Variants in ARHGAP25 observed in about 807,000 individuals in gnomAD.
ARHGAP25 encodes the protein rho GTPase-activating protein 25.
ARHGAP25 carries 34 observed loss-of-function variants against 71.0 expected under a neutral mutation model. That is an observed-to-expected ratio of 0.48 (90% CI 0.36 to 0.64). The LOEUF is 0.64. Ranked by LOEUF, ARHGAP25 falls within the 30% of genes least tolerant of loss-of-function variation. ARHGAP25 has a pLI of 0.00. For missense variants in ARHGAP25, 706 were observed against 805.1 expected, an observed-to-expected ratio of 0.88 and a Z score of 1.49; for synonymous variants, 282 against 296.5, an observed-to-expected ratio of 0.95 and a Z score of 0.50.
At chr2:68,771,581 C>T (rs1408014615) in intron 1 of ARHGAP25, among the ~76,000 whole-genome samples, 1 of 152,198 alleles carries the variant, frequency 6.6e-6, no homozygotes, top group Non-Finnish European at 1.5e-5. Context: ...TTAATGATCT[C>T]ATGCTAGGCC....
Position 68,826,410 on chromosome 2 carries a change from T to G in ARHGAP25, c.*216T>G. On this transcript the variant is annotated 3_prime_UTR_variant, in exon 11 of 11. Coordinates refer to ENST00000409202, the MANE Select transcript of ARHGAP25 (RefSeq NM_001007231.3). ...ACATCTCTGACCATCCATCGCTGTA[T>G]TCAAATGGATTGTTTTATTCCATTC... 1.5e-6 allele frequency: 1 copy of G among 667,016 alleles called. No homozygotes were observed. The highest frequency in any genetic ancestry group is 2.7e-6 in the Non-Finnish European group (1 of 367,920). 41.3% of individuals were successfully genotyped at this position (667,016 alleles called of 1,614,324 possible).
At chr2:68,813,446 G>T in intron 6 of ARHGAP25, 27 bp downstream of exon 6, 1 of 1,602,246 alleles carries the variant, frequency 6.2e-7, no homozygotes. Context: ...TAGTTGTCCT[G>T]CCTTAGAAGA....
intron 1 of ARHGAP25, among the ~76,000 whole-genome samples, chr2:68,744,524 G>T (rs995590882): frequency 2.6e-5 from 4 of 152,162 alleles, no homozygotes; most frequent in Non-Finnish European, 4.4e-5. Context: ...AGGAAGCAGG[G>T]CTCTCCCACT....
chr2:68,778,625 G>A (rs1678096196), intron 2 of ARHGAP25, among the ~76,000 whole-genome samples: 1 of 152,172 alleles, frequency 6.6e-6, no homozygotes, highest in South Asian at 2.1e-4. Context: ...CTGATGATGT[G>A]TGTGTTGGTT....
chr2:68,736,125 T>G (rs1332815651), intron 1 of ARHGAP25, among the ~76,000 whole-genome samples: 1 of 152,182 alleles, frequency 6.6e-6, no homozygotes, highest in Non-Finnish European at 1.5e-5. Context: ...TTCTAACAGC[T>G]TGGAGGAATT....
intron 1 of ARHGAP25, among the ~76,000 whole-genome samples, chr2:68,741,161 G>A (rs1675499860): frequency 6.6e-6 from 1 of 152,108 alleles, no homozygotes; most frequent in South Asian, 2.1e-4. Flanking sequence ...TGCTACCCTC[G>A]CAGAATAGGG....
chr2:68,820,329 A>G (rs72830954), intron 9 of ARHGAP25, among the ~76,000 whole-genome samples: 4,131 of 152,292 alleles, frequency 0.027, 85 homozygotes, highest in Non-Finnish European at 0.039. Context: ...ATAACATTGT[A>G]GGGCAGAATT....
At chr2:68,765,975 C>T (rs748498721) in intron 1 of ARHGAP25, among the ~76,000 whole-genome samples, 22 of 152,202 alleles carry the variant, frequency 1.4e-4, no homozygotes, top group Non-Finnish European at 2.9e-4. Context: ...GTTGCCAGTA[C>T]TTGAGCATTG....
At chr2:68,824,157 C>T (rs1444398150) in intron 10 of ARHGAP25, among the ~76,000 whole-genome samples, 3 of 152,228 alleles carry the variant, frequency 2.0e-5, no homozygotes, top group Non-Finnish European at 2.9e-5. Flanking sequence ...GAATTAAAGA[C>T]TTCTGTGACA....
chr2:68,809,246 C>A (rs1039013476), intron 5 of ARHGAP25, among the ~76,000 whole-genome samples: 4 of 152,094 alleles, frequency 2.6e-5, no homozygotes, highest in Non-Finnish European at 4.4e-5. Context: ...ACTTCTCATT[C>A]CATGGTGTGT....
At chr2:68,795,630 C>G (rs1231386731) in intron 4 of ARHGAP25, among the ~76,000 whole-genome samples, 1 of 152,032 alleles carries the variant, frequency 6.6e-6, no homozygotes, top group African/African-American at 2.4e-5. Context: ...TGAGAAGATA[C>G]TTGATATGAT....
At chr2:68,722,514 G>T (rs755549995) in intron 2 of ARHGAP25, among the ~76,000 whole-genome samples, 33 of 151,270 alleles carry the variant, frequency 2.2e-4, no homozygotes, top group Non-Finnish European at 4.0e-4. Flanking sequence ...GGAGGCGGAG[G>T]CTGCAGTAAG....
intron 1 of ARHGAP25, among the ~76,000 whole-genome samples, chr2:68,743,584 C>G (rs956328843): frequency 6.6e-6 from 1 of 152,166 alleles, no homozygotes; most frequent in African/African-American, 2.4e-5. Flanking sequence ...AGCCAGAAAT[C>G]CACTTTATTA....
Position 68,810,080 on chromosome 2 carries a change from G to A in ARHGAP25, c.674+2600G>A, listed in dbSNP as rs573706609. 8.8e-5 allele frequency among the ~76,000 whole-genome samples: 13 copies of A among 147,952 alleles called. No homozygotes were observed. The East Asian group carries it at 1.8e-3, about 20-fold the overall frequency. On this transcript the variant is annotated intron_variant, in intron 5 of 10. Coordinates refer to ENST00000409202, the MANE Select transcript of ARHGAP25 (RefSeq NM_001007231.3). ...TTGGGTAATCCCTAGTGCATCAGCCGTTGAACCCAGAAGCCACCTGGCTCC... is the reference window on the plus strand; with the variant it reads ...TTGGGTAATCCCTAGTGCATCAGCCATTGAACCCAGAAGCCACCTGGCTCC...
chr2:68,812,376 C>T (rs1325687064), intron 5 of ARHGAP25, among the ~76,000 whole-genome samples: 1 of 152,204 alleles, frequency 6.6e-6, no homozygotes, highest in Non-Finnish European at 1.5e-5. Flanking sequence ...GCTTGCCAAG[C>T]CCTCCTGTAA....
At chr2:68,739,910 G>GA (rs61520116) in intron 1 of ARHGAP25, among the ~76,000 whole-genome samples, 11 of 148,738 alleles carry the variant, frequency 7.4e-5, no homozygotes, top group Non-Finnish European at 1.0e-4. Context: ...ACTTTGCAAA[G>GA]AAAAAAAAAA....
intron 1 of ARHGAP25, among the ~76,000 whole-genome samples, chr2:68,752,663 C>T (rs1449610931): frequency 2.0e-5 from 3 of 152,102 alleles, no homozygotes; most frequent in African/African-American, 7.3e-5. Flanking sequence ...AGAGAATGGG[C>T]ATTTGTAAGT....
chr2:68,739,220 TTGTC>T (rs746227853), intron 1 of ARHGAP25, among the ~76,000 whole-genome samples: 1 of 152,240 alleles, frequency 6.6e-6, no homozygotes, highest in Non-Finnish European at 1.5e-5. Context: ...ATTCTGTACT[TTGTC>T]TGAGACTGTG....
rs866202451 is a variant in ARHGAP25 at position 68,716,815 on chromosome 2, C to T, written c.-18+6117C>T. ...CTGAACCAAACTTCCTTCATTGTGACATGGTTTTGCCACAGCTGGTCGTTC... is the reference window on the plus strand; with the variant it reads ...CTGAACCAAACTTCCTTCATTGTGATATGGTTTTGCCACAGCTGGTCGTTC... On this transcript the variant is annotated intron_variant and NMD_transcript_variant, in intron 2 of 7. Coordinates refer to the ARHGAP25 transcript ENST00000463483. Among the ~76,000 whole-genome samples the T allele has an allele frequency of 7.2e-5, 11 of 152,304 alleles. 1 individual carries two copies. Among genetic ancestry groups the T allele is most frequent in the African/African-American group, 2.2e-4 (9 of 41,564 alleles).
Sources: gnomAD v4.1 joint callset for allele counts (sites outside exome capture counted in the v4.1 genomes callset) on GRCh38, gnomAD v4.1.1 for gene constraint, MANE v1.5 for transcripts, NCBI Gene and HGNC (gene_info 2026-07-23, HGNC 2026-07-21) for gene names.